Variants in TBC1D12 observed in about 807,000 individuals in gnomAD.
TBC1D12 encodes TBC1 domain family member 12.
TBC1D12 carries 56 observed loss-of-function variants against 86.7 expected under a neutral mutation model. The observed-to-expected ratio is 0.65, with a 90% CI of 0.52 to 0.81. The LOEUF is 0.81. Among genes scored for constraint, TBC1D12 ranks in the 30% least tolerant of loss-of-function variants. The pLI, the probability that TBC1D12 is intolerant of heterozygous loss-of-function variation, is 0.00. For synonymous variants in TBC1D12, 421 were observed against 411.7 expected (o/e 1.02, Z -0.27); for missense variants, 1,023 against 1,038.8 (o/e 0.98, Z 0.21).
chr10:94,489,666 A>G (rs1486514534), intron 3 of TBC1D12, among the ~76,000 whole-genome samples: 1 of 152,128 alleles, frequency 6.6e-6, no homozygotes, highest in African/African-American at 2.4e-5. Flanking sequence ...TTGATTTTAA[A>G]TTGAGAGATA....
chr10:94,523,687 G>A (rs1842213177), intron 11 of TBC1D12, among the ~76,000 whole-genome samples: 1 of 152,130 alleles, frequency 6.6e-6, no homozygotes. Context: ...AAAAGGCCAA[G>A]TGCAGTGGCT....
chr10:94,511,431 A>G (rs2056525446), intron 8 of TBC1D12, 152 bp from the exon 9 acceptor site: 2 of 615,460 alleles, frequency 3.2e-6, no homozygotes, highest in Non-Finnish European at 5.6e-6. Context: ...ATAATTTGGA[A>G]AACATCTTGG....
At chr10:94,472,114 A>G (rs12260932) in intron 2 of TBC1D12, among the ~76,000 whole-genome samples, 47 of 152,168 alleles carry the variant, frequency 3.1e-4, no homozygotes, top group African/African-American at 1.1e-3. Flanking sequence ...ATTCTTTTAA[A>G]TTTTCATCAG....
chr10:94,490,583 T>C (rs945607812), intron 3 of TBC1D12, among the ~76,000 whole-genome samples: 1 of 152,244 alleles, frequency 6.6e-6, no homozygotes, highest in African/African-American at 2.4e-5. Context: ...TCTGTTTTTA[T>C]TGAATGTCAG....
chr10:94,491,611 A>G (rs1440023976), intron 3 of TBC1D12, among the ~76,000 whole-genome samples: 2 of 152,152 alleles, frequency 1.3e-5, no homozygotes, highest in Non-Finnish European at 2.9e-5. Flanking sequence ...ATAACTTTTA[A>G]TTTTTAAATT....
intron 1 of TBC1D12, among the ~76,000 whole-genome samples, chr10:94,439,236 A>C (rs1456419275): frequency 6.6e-6 from 1 of 152,154 alleles, no homozygotes; most frequent in Non-Finnish European, 1.5e-5. Flanking sequence ...CCAGTTCATC[A>C]ACTTTTTCTT....
rs1239217267 is a variant in TBC1D12 at position 94,535,569 on chromosome 10, A to G, written c.*2473A>G. On this transcript the variant is annotated 3_prime_UTR_variant, in exon 13 of 13. Transcript: ENST00000225235. ...AAGGTAATTGCTATTATAGGGACTT[A>G]CTTATTGGAGACTGGTAATATAATA... 3 of 152,106 alleles carry G rather than the reference A, an allele frequency of 2.0e-5. No individual in the cohort carries two copies. The highest frequency in any genetic ancestry group is 2.0e-4 in the Admixed American group (3 of 15,250). The allele number at this position is 152,106 out of a possible 1,614,324, so 9.4% of individuals were successfully genotyped here.
chr10:94,421,462 T>G (rs191168382), intron 1 of TBC1D12, among the ~76,000 whole-genome samples: 25 of 152,366 alleles, frequency 1.6e-4, no homozygotes, highest in Middle Eastern at 6.8e-3. Flanking sequence ...TCTTGACCAT[T>G]GTGAATAATG....
intron 1 of TBC1D12, among the ~76,000 whole-genome samples, chr10:94,419,122 C>T (rs1465561946): frequency 1.3e-5 from 2 of 152,122 alleles, no homozygotes; most frequent in African/African-American, 4.8e-5. Context: ...ATCCACCGGC[C>T]TCGGCCTCCC....
chr10:94,502,289 G>A (rs887553710), intron 6 of TBC1D12, among the ~76,000 whole-genome samples: 1 of 151,954 alleles, frequency 6.6e-6, no homozygotes, highest in African/African-American at 2.4e-5. Flanking sequence ...CCGAGATTGC[G>A]TCATTGCACT....
In TBC1D12 at chr10:94,488,976, G is replaced by A. The variant is rs922940071; in HGVS notation, c.1212-4389G>A. On this transcript the variant is annotated intron_variant, in intron 3 of 12. Coordinates refer to ENST00000225235, the MANE Select transcript of TBC1D12 (RefSeq NM_015188.2). ...AGCTTCACTACCTGGGATTGAGAGG[G>A]GAGTGGCGTAAGCACTCCCCCAAAT... Among the ~76,000 whole-genome samples, 13 of 152,132 alleles carry A rather than the reference G, an allele frequency of 8.5e-5. 1 individual carries two copies. The highest frequency in any genetic ancestry group is 8.5e-4 in the Admixed American group (13 of 15,276).
intron 11 of TBC1D12, among the ~76,000 whole-genome samples, chr10:94,526,287 TGTATG>T (rs1842287393): frequency 6.6e-6 from 1 of 152,022 alleles, no homozygotes; most frequent in Non-Finnish European, 1.5e-5. Flanking sequence ...AAAAATTAGC[TGTATG>T]GTACATGGTG....
chr10:94,433,238 C>T (rs1351159858), intron 1 of TBC1D12, among the ~76,000 whole-genome samples: 1 of 152,064 alleles, frequency 6.6e-6, no homozygotes, highest in Non-Finnish European at 1.5e-5. Context: ...CCTGCCCCAG[C>T]CTCCCGAGGA....
intron 1 of TBC1D12, among the ~76,000 whole-genome samples, chr10:94,408,185 A>AT (rs1193775460): frequency 6.6e-6 from 1 of 151,936 alleles, no homozygotes; most frequent in Non-Finnish European, 1.5e-5. Flanking sequence ...GGTAGTGCTG[A>AT]TTTTTTTTCC....
chr10:94,519,984 A>T (rs1322288020), intron 9 of TBC1D12, among the ~76,000 whole-genome samples: 1 of 152,216 alleles, frequency 6.6e-6, no homozygotes, highest in Non-Finnish European at 1.5e-5. Context: ...GTGGGCAATT[A>T]TTATGCCTAC....
chr10:94,466,440 A>T (rs2055826053), intron 2 of TBC1D12, among the ~76,000 whole-genome samples: 1 of 152,074 alleles, frequency 6.6e-6, no homozygotes, highest in Non-Finnish European at 1.5e-5. Flanking sequence ...ATATGTATAT[A>T]CATACACACA....
At chr10:94,434,187 G>C (rs958138375) in intron 1 of TBC1D12, among the ~76,000 whole-genome samples, 1 of 152,140 alleles carries the variant, frequency 6.6e-6, no homozygotes, top group Non-Finnish European at 1.5e-5. Flanking sequence ...AGGATAAATT[G>C]ATAGCTCCTC....
intron 1 of TBC1D12, among the ~76,000 whole-genome samples, chr10:94,419,480 CTGGCCAACATGGT>C (rs911405420): frequency 6.6e-6 from 1 of 152,056 alleles, no homozygotes; most frequent in African/African-American, 2.4e-5. Flanking sequence ...CCAGACCAGC[CTGGCCAACATGGT>C]GAAACCCCGT....
intron 5 of TBC1D12, 58 bp from the exon 6 acceptor site, chr10:94,500,163 A>C (rs899608241): frequency 3.4e-6 from 5 of 1,463,522 alleles, no homozygotes; most frequent in Non-Finnish European, 4.7e-6. Flanking sequence ...CCATCATGCA[A>C]CTAGTATTTT....
Sources: allele counts gnomAD v4.1 joint callset (sites outside exome capture counted in the v4.1 genomes callset), GRCh38; gene constraint gnomAD v4.1.1; transcripts MANE v1.5; gene names NCBI Gene and HGNC (gene_info 2026-07-23, HGNC 2026-07-21).